Variants in COLEC10 observed in about 807,000 individuals in gnomAD.
COLEC10 encodes the protein collectin-10.
In COLEC10, 22 loss-of-function variants were observed where a neutral mutation model predicts 28.4. The observed-to-expected ratio is 0.78, with a 90% CI of 0.55 to 1.11. COLEC10 has a LOEUF of 1.11. Ranked by LOEUF, COLEC10 falls within the 50% of genes least tolerant of loss-of-function variation. The probability of loss-of-function intolerance (pLI) is 0.00; values close to 1 mark genes in which losing one functional copy is unlikely to be tolerated. For synonymous variants in COLEC10, 125 were observed against 116.1 expected, an observed-to-expected ratio of 1.08 and a Z score of -0.49; for missense variants, 361 against 344.1, an observed-to-expected ratio of 1.05 and a Z score of -0.39.
chr8:119,049,707 C>T (rs570126805), intron 2 of COLEC10, among the ~76,000 whole-genome samples: 11 of 152,228 alleles, frequency 7.2e-5, no homozygotes, highest in Admixed American at 5.9e-4. Flanking sequence ...AGCCACCTCG[C>T]CTGGCTGGTA....
intron 2 of COLEC10, among the ~76,000 whole-genome samples, chr8:119,048,004 G>A (rs1039162818): frequency 3.9e-5 from 6 of 152,142 alleles, no homozygotes; most frequent in African/African-American, 1.2e-4. Flanking sequence ...TTGAAAAGTT[G>A]GGGGTTTTTT....
intron 2 of COLEC10, among the ~76,000 whole-genome samples, chr8:119,035,953 G>GT (rs1467117608): frequency 1.3e-5 from 2 of 152,030 alleles, no homozygotes; most frequent in African/African-American, 4.8e-5. Context: ...GTTTTAGGGA[G>GT]TTTTTTTACT....
At chr8:119,016,232 C>T (rs1033293482) in intron 2 of COLEC10, among the ~76,000 whole-genome samples, 1 of 152,024 alleles carries the variant, frequency 6.6e-6, no homozygotes, top group Non-Finnish European at 1.5e-5. Context: ...CCTGTGTCCA[C>T]GTGTTCTCAT....
At chr8:118,956,692 TTTATA>T in the COLEC10 span, among the ~76,000 whole-genome samples, 1 of 152,162 alleles carries the variant, frequency 6.6e-6, no homozygotes, top group South Asian at 2.1e-4. Context: ...CAAATAAATG[TTTATA>T]TCAACAGAGT....
At chr8:118,959,884 A>G in the COLEC10 span, among the ~76,000 whole-genome samples, 1 of 152,132 alleles carries the variant, frequency 6.6e-6, no homozygotes, top group African/African-American at 2.4e-5. Context: ...ACTTTTTCAC[A>G]TGGATTTTAA....
upstream of COLEC10, among the ~76,000 whole-genome samples, chr8:118,993,074 G>T (rs545103343): frequency 6.6e-6 from 1 of 152,154 alleles, no homozygotes; most frequent in Non-Finnish European, 1.5e-5. Flanking sequence ...TTGCTTAAAA[G>T]TTTGCAAAAC....
At chr8:118,984,179 T>G in the COLEC10 span, among the ~76,000 whole-genome samples, 300 of 152,158 alleles carry the variant, frequency 2.0e-3, 1 homozygote, top group Non-Finnish European at 2.3e-3. Flanking sequence ...TCATGTCCTT[T>G]GCAGCAACAT....
chr8:118,993,193 A>G (rs1169884095), upstream of COLEC10, among the ~76,000 whole-genome samples: 3 of 152,128 alleles, frequency 2.0e-5, no homozygotes, highest in Non-Finnish European at 4.4e-5. Flanking sequence ...CTTAAACAAC[A>G]GGTATTTATT....
chr8:118,991,774 A>G (rs1333425747), upstream of COLEC10, among the ~76,000 whole-genome samples: 1 of 152,146 alleles, frequency 6.6e-6, no homozygotes, highest in African/African-American at 2.4e-5. Context: ...GATATTAATA[A>G]AGCACTTAAG....
chr8:119,070,446 G>GCTCTCTCT (rs760543405), intron 1 of COLEC10, among the ~76,000 whole-genome samples: 1,517 of 80,558 alleles, frequency 0.019, 157 homozygotes, highest in African/African-American at 0.076. Flanking sequence ...GTTCTCCCTC[G>GCTCTCTCT]CTCTCTCTCT....
At chr8:118,992,401 G>A (rs548302496), upstream of COLEC10, among the ~76,000 whole-genome samples, 1 of 152,156 alleles carries the variant, frequency 6.6e-6, no homozygotes, top group Admixed American at 6.6e-5. Context: ...AATAATCATT[G>A]TTTCAGTAAA....
At chr8:118,967,514 G>A in the COLEC10 span, among the ~76,000 whole-genome samples, 1 of 151,934 alleles carries the variant, frequency 6.6e-6, no homozygotes, top group African/African-American at 2.4e-5. Context: ...TGTATAATAA[G>A]TACAATAATA....
intron 3 of COLEC10, among the ~76,000 whole-genome samples, chr8:119,098,869 A>ATT (rs1000971545): frequency 5.3e-5 from 8 of 152,104 alleles, no homozygotes; most frequent in African/African-American, 1.9e-4. Context: ...GATTAATTTC[A>ATT]TTTTTAATCT....
chr8:119,054,348 G>C (rs1814727724), intron 2 of COLEC10, among the ~76,000 whole-genome samples: 1 of 152,078 alleles, frequency 6.6e-6, no homozygotes. Flanking sequence ...TTTTAGGAAT[G>C]CAACTTGTAA....
At chr8:119,023,438 A>G (rs983347921) in intron 2 of COLEC10, among the ~76,000 whole-genome samples, 2 of 152,148 alleles carry the variant, frequency 1.3e-5, no homozygotes, top group African/African-American at 4.8e-5. Flanking sequence ...GGCATAGAAT[A>G]CTTTTAATAT....
rs1288843319 is a variant in COLEC10, at chr8:119,105,977, T to C, written c.620T>C (p.Val207Ala). The change falls in exon 6 of 6, where the codon GTG becomes GCG. Residue 207 changes from valine to alanine, a missense_variant. This residue lies in a region of COLEC10 where 335 missense variants were observed against 308.5 expected (regional missense o/e 1.09). Transcript: ENST00000332843. ...GTTGCCAAGAGTGGCTTCTTTCGGG[T>C]GTTCATTGGCGTGAATGACCTTGAA... ...DYVAKSGFFR[V>A]FIGVNDLERE... 1 of 1,613,748 alleles carries C rather than the reference T, an allele frequency of 6.2e-7. No homozygotes were observed. The highest frequency in any genetic ancestry group is 1.7e-5 in the Admixed American group (1 of 59,926).
chr8:119,029,719 A>G (rs1814254305), intron 2 of COLEC10, among the ~76,000 whole-genome samples: 1 of 88,990 alleles, frequency 1.1e-5, no homozygotes, highest in Admixed American at 1.0e-4. Context: ...GGAACTTTTA[A>G]TCTCATTGAA....
At chr8:119,054,641 T>C (rs778658468) in intron 2 of COLEC10, among the ~76,000 whole-genome samples, 71 of 152,094 alleles carry the variant, frequency 4.7e-4, no homozygotes, top group Admixed American at 2.0e-4. Flanking sequence ...TCTTACTGGG[T>C]CCTGTCCCTA....
At chr8:118,958,962 G>A in the COLEC10 span, among the ~76,000 whole-genome samples, 1 of 152,216 alleles carries the variant, frequency 6.6e-6, no homozygotes, top group African/African-American at 2.4e-5. Context: ...GGTGTGGGAT[G>A]TGAGATTGAG....
Sources: gnomAD v4.1 joint callset for allele counts (sites outside exome capture counted in the v4.1 genomes callset) on GRCh38, gnomAD v4.1.1 for gene constraint, gnomAD v4.1.1 regional missense constraint, MANE v1.5 for transcripts, NCBI Gene and HGNC (gene_info 2026-07-23, HGNC 2026-07-21) for gene names.